The following RBMS3 variants were observed in gnomAD, a reference collection of about 807,000 sequenced individuals.
RBMS3 encodes the protein RNA binding motif single stranded interacting protein 3.
In RBMS3, 27 loss-of-function variants were observed where a neutral mutation model predicts 66.8. That is an observed-to-expected ratio of 0.40 (90% confidence interval 0.30 to 0.56). RBMS3 has a LOEUF of 0.56. Among genes scored for constraint, RBMS3 ranks in the 20% least tolerant of loss-of-function variants. RBMS3 has a pLI of 0.40. For synonymous variants in RBMS3, 188 were observed against 183.0 expected, an observed-to-expected ratio of 1.03 and a Z score of -0.22; for missense variants, 513 against 549.5, an observed-to-expected ratio of 0.93 and a Z score of 0.66.
intron 4 of RBMS3, among the ~76,000 whole-genome samples, chr3:29,692,562 A>G (rs996881475): frequency 1.1e-4 from 17 of 152,180 alleles, no homozygotes; most frequent in Admixed American, 3.9e-4. Context: ...ACGTTACATT[A>G]AGAGACTTTA....
At chr3:29,954,630 T>C (rs547122408) in intron 12 of RBMS3, among the ~76,000 whole-genome samples, 1 of 152,116 alleles carries the variant, frequency 6.6e-6, no homozygotes, top group African/African-American at 2.4e-5. Flanking sequence ...CCAATGGTGC[T>C]TAAAACCTCA....
intron 4 of RBMS3, among the ~76,000 whole-genome samples, chr3:29,662,321 A>G (rs2050584125): frequency 6.6e-6 from 1 of 152,202 alleles, no homozygotes; most frequent in Non-Finnish European, 1.5e-5. Context: ...ATTCTATATT[A>G]CCTGTTTATA....
At chr3:29,622,260 A>T (rs920261569) in intron 4 of RBMS3, among the ~76,000 whole-genome samples, 2 of 152,204 alleles carry the variant, frequency 1.3e-5, no homozygotes, top group Non-Finnish European at 2.9e-5. Flanking sequence ...GCCTGAAAAA[A>T]TATCCAAATA....
chr3:29,623,835 TAAC>T (rs1332083154), intron 4 of RBMS3, among the ~76,000 whole-genome samples: 1 of 152,158 alleles, frequency 6.6e-6, no homozygotes, highest in Admixed American at 6.5e-5. Context: ...AATGGAAAGA[TAAC>T]AATGGACTAT....
intron 3 of RBMS3, among the ~76,000 whole-genome samples, chr3:29,558,358 C>T (rs2046429716): frequency 6.6e-6 from 1 of 152,006 alleles, no homozygotes; most frequent in African/African-American, 2.4e-5. Flanking sequence ...GGGGAACTAG[C>T]AATGCAGATT....
chr3:29,961,525 G>C (rs1157616889), intron 12 of RBMS3, among the ~76,000 whole-genome samples: 1 of 152,082 alleles, frequency 6.6e-6, no homozygotes, highest in Non-Finnish European at 1.5e-5. Context: ...ATGCTGCTAT[G>C]AAGAACTTCA....
chr3:29,817,379 A>G (rs540702833), intron 6 of RBMS3, among the ~76,000 whole-genome samples: 61 of 151,710 alleles, frequency 4.0e-4, no homozygotes, highest in African/African-American at 1.2e-3. Context: ...AATTTTTTGT[A>G]TTTTTAATAG....
chr3:29,878,878 C>T (rs1263545981), intron 7 of RBMS3, among the ~76,000 whole-genome samples: 3 of 150,804 alleles, frequency 2.0e-5, no homozygotes, highest in African/African-American at 7.3e-5. Flanking sequence ...CCCATCTCTA[C>T]AAAAAAAAAT....
chr3:29,981,234 T>C (rs1333765866), intron 12 of RBMS3, among the ~76,000 whole-genome samples: 1 of 152,206 alleles, frequency 6.6e-6, no homozygotes, highest in Non-Finnish European at 1.5e-5. Flanking sequence ...GCTCTCTGTC[T>C]ATTATTGGTG....
intron 5 of RBMS3, among the ~76,000 whole-genome samples, chr3:29,746,684 A>G (rs1301172714): frequency 1.3e-5 from 2 of 152,102 alleles, no homozygotes; most frequent in Admixed American, 6.6e-5. Context: ...TTTCTTTTTC[A>G]TATATTCAGA....
intron 12 of RBMS3, among the ~76,000 whole-genome samples, chr3:29,956,905 C>G (rs1696083798): frequency 6.6e-6 from 1 of 152,066 alleles, no homozygotes; most frequent in South Asian, 2.1e-4. Flanking sequence ...TTTTCACATT[C>G]ATCTGTTACT....
At chr3:29,588,635 A>C (rs1453786052) in intron 4 of RBMS3, among the ~76,000 whole-genome samples, 1 of 152,092 alleles carries the variant, frequency 6.6e-6, no homozygotes, top group Non-Finnish European at 1.5e-5. Flanking sequence ...AAGGCAGAAT[A>C]AATTTGAATT....
intron 8 of RBMS3, among the ~76,000 whole-genome samples, chr3:29,885,563 A>G (rs968339209): frequency 6.6e-6 from 1 of 151,954 alleles, no homozygotes; most frequent in African/African-American, 2.4e-5. Context: ...TGTGCAAAGT[A>G]CTTTGTAATT....
At chr3:29,731,474 G>GTA (rs2054132488) in intron 4 of RBMS3, among the ~76,000 whole-genome samples, 1 of 152,074 alleles carries the variant, frequency 6.6e-6, no homozygotes, top group Non-Finnish European at 1.5e-5. Context: ...AAATATAGAG[G>GTA]CACCTTCACT....
intron 4 of RBMS3, chr3:29,697,244 T>A (rs1559579579): frequency 1.9e-6 from 1 of 538,908 alleles, no homozygotes; most frequent in Non-Finnish European, 2.4e-6. Context: ...TTGAAACAAA[T>A]GTAGTTTTGG....
intron 14 of RBMS3, among the ~76,000 whole-genome samples, chr3:29,997,200 C>G (rs1236441182): frequency 6.6e-6 from 1 of 152,130 alleles, no homozygotes; most frequent in Non-Finnish European, 1.5e-5. Context: ...CACATACACT[C>G]TCTCAAGACT....
At chr3:29,752,896 A>T (rs999128917) in intron 5 of RBMS3, among the ~76,000 whole-genome samples, 12 of 152,196 alleles carry the variant, frequency 7.9e-5, no homozygotes, top group Non-Finnish European at 1.6e-4. Flanking sequence ...GATTACCAGC[A>T]AAAATATCTT....
chr3:29,593,598 T>TTTTG (rs558144403), intron 4 of RBMS3, among the ~76,000 whole-genome samples: 1 of 152,214 alleles, frequency 6.6e-6, no homozygotes, highest in African/African-American at 2.4e-5. Context: ...GTCCATGTCT[T>TTTTG]TTTGTTTGTT....
At chr3:29,523,732 C>G (rs1411066820) in intron 3 of RBMS3, among the ~76,000 whole-genome samples, 2 of 150,992 alleles carry the variant, frequency 1.3e-5, no homozygotes, top group Non-Finnish European at 3.0e-5. Context: ...CTCTTTTTTT[C>G]TTTTTTGCCT....
Sources: gnomAD v4.1 joint callset for allele counts (sites outside exome capture counted in the v4.1 genomes callset) on GRCh38, gnomAD v4.1.1 for gene constraint, MANE v1.5 for transcripts, NCBI Gene and HGNC (gene_info 2026-07-23, HGNC 2026-07-21) for gene names.